L3MBTL4: variants seen among roughly 807,000 people sequenced by gnomAD.
The protein encoded by L3MBTL4 is L3MBTL histone methyl-lysine binding protein 4, also known as lethal(3)malignant brain tumor-like protein 4.
A neutral mutation model predicts 84.5 loss-of-function variants in L3MBTL4; 70 were observed. The observed-to-expected ratio is 0.83, with a 90% CI of 0.68 to 1.01. The LOEUF is 1.01. Among genes scored for constraint, L3MBTL4 ranks in the 50% least tolerant of loss-of-function variants. The pLI, the probability that L3MBTL4 is intolerant of heterozygous loss-of-function variation, is 0.00. For missense variants in L3MBTL4, 715 were observed against 754.8 expected, an observed-to-expected ratio of 0.95 and a Z score of 0.62; for synonymous variants, 274 against 259.8, an observed-to-expected ratio of 1.05 and a Z score of -0.52.
chr18:6,051,277 G>A (rs1024787312), intron 16 of L3MBTL4, among the ~76,000 whole-genome samples: 1 of 152,166 alleles, frequency 6.6e-6, no homozygotes, highest in African/African-American at 2.4e-5. Context: ...AGTGGCTCAC[G>A]CCTGTAATCC....
intron 13 of L3MBTL4, among the ~76,000 whole-genome samples, chr18:6,164,716 C>T (rs2043551831): frequency 1.3e-5 from 2 of 152,094 alleles, no homozygotes; most frequent in South Asian, 4.1e-4. Flanking sequence ...TAGATGAAAC[C>T]ACAAAGATGG....
At chr18:6,014,792 C>T (rs1205813336) in intron 16 of L3MBTL4, among the ~76,000 whole-genome samples, 5 of 152,092 alleles carry the variant, frequency 3.3e-5, no homozygotes. Context: ...GAGCTTCAAG[C>T]AGAAACATTA....
chr18:6,064,886 G>A (rs1281354453), intron 16 of L3MBTL4, among the ~76,000 whole-genome samples: 1 of 152,008 alleles, frequency 6.6e-6, no homozygotes, highest in Non-Finnish European at 1.5e-5. Context: ...CCAGTATTAT[G>A]TTGAATAGAA....
chr18:6,286,233 G>T (rs1045601797), intron 4 of L3MBTL4, among the ~76,000 whole-genome samples: 7 of 151,988 alleles, frequency 4.6e-5, no homozygotes, highest in Non-Finnish European at 7.4e-5. Context: ...GGAGGCCAAG[G>T]AGGGCAGATG....
intron 5 of L3MBTL4, among the ~76,000 whole-genome samples, chr18:6,252,677 C>T (rs1364573370): frequency 1.3e-5 from 2 of 152,162 alleles, no homozygotes; most frequent in Non-Finnish European, 2.9e-5. Flanking sequence ...GGACGCAGGC[C>T]ATGATAAGAC....
intron 13 of L3MBTL4, among the ~76,000 whole-genome samples, chr18:6,151,083 A>G (rs1220960001): frequency 1.3e-5 from 2 of 152,140 alleles, no homozygotes; most frequent in Non-Finnish European, 2.9e-5. Flanking sequence ...GGATCCCCTT[A>G]CTGGCATACA....
chr18:5,969,619 T>C (rs2052535914), intron 16 of L3MBTL4, 57 bp from the exon 17 acceptor site: 1 of 1,532,032 alleles, frequency 6.5e-7, no homozygotes, highest in Admixed American at 1.9e-5. Flanking sequence ...AGCACTGCTG[T>C]GTCAGCCCCG....
intron 4 of L3MBTL4, among the ~76,000 whole-genome samples, chr18:6,294,547 A>G (rs1399538619): frequency 6.6e-6 from 1 of 152,230 alleles, no homozygotes; most frequent in Non-Finnish European, 1.5e-5. Flanking sequence ...GAGAATGAGC[A>G]AAACCCACAG....
At chr18:6,219,421 C>T (rs1460635250) in intron 10 of L3MBTL4, among the ~76,000 whole-genome samples, 6 of 149,816 alleles carry the variant, frequency 4.0e-5, no homozygotes, top group Admixed American at 1.3e-4. Context: ...CACCTCATTC[C>T]ATGCCATTTT....
chr18:6,239,635 A>T, intron 9 of L3MBTL4, 83 bp downstream of exon 9: 1 of 1,399,838 alleles, frequency 7.1e-7, no homozygotes, highest in South Asian at 1.2e-5. Context: ...AAGAGCAAAA[A>T]CAGCAACAGT....
At chr18:6,231,785 T>A (rs1287069092) in intron 10 of L3MBTL4, among the ~76,000 whole-genome samples, 1 of 152,078 alleles carries the variant, frequency 6.6e-6, no homozygotes, top group Admixed American at 6.6e-5. Flanking sequence ...GGTTTATTAG[T>A]TCTACCAGAT....
At chr18:6,051,328 C>T (rs1206589734) in intron 16 of L3MBTL4, among the ~76,000 whole-genome samples, 2 of 152,164 alleles carry the variant, frequency 1.3e-5, no homozygotes, top group African/African-American at 4.8e-5. Context: ...CACCCGAGGT[C>T]AGGAGTTCGA....
chr18:6,320,009 A>T (rs972281342), intron 1 of L3MBTL4, among the ~76,000 whole-genome samples: 1 of 152,216 alleles, frequency 6.6e-6, no homozygotes, highest in Non-Finnish European at 1.5e-5. Flanking sequence ...AATAAATGTA[A>T]TATATCACAT....
At chr18:6,106,027 A>C (rs945208193) in intron 14 of L3MBTL4, among the ~76,000 whole-genome samples, 3 of 152,182 alleles carry the variant, frequency 2.0e-5, no homozygotes, top group African/African-American at 4.8e-5. Context: ...ATATTAGCTC[A>C]TGCAATTCTC....
At chr18:6,281,482 C>A (rs1484888851) in intron 4 of L3MBTL4, among the ~76,000 whole-genome samples, 3 of 152,138 alleles carry the variant, frequency 2.0e-5, no homozygotes, top group Non-Finnish European at 4.4e-5. Flanking sequence ...AATCAGGTAA[C>A]CATTTTAAAC....
chr18:6,189,621 T>TA (rs1208583121), intron 12 of L3MBTL4, among the ~76,000 whole-genome samples: 1 of 152,128 alleles, frequency 6.6e-6, no homozygotes, highest in Admixed American at 6.5e-5. Flanking sequence ...TTAATTACTA[T>TA]AAATGTAAAA....
At chr18:6,332,711 T>G (rs1283616397) in intron 1 of L3MBTL4, among the ~76,000 whole-genome samples, 1 of 152,240 alleles carries the variant, frequency 6.6e-6, no homozygotes, top group African/African-American at 2.4e-5. Flanking sequence ...AACCAAGTGT[T>G]GGGAGTGACT....
intron 14 of L3MBTL4, among the ~76,000 whole-genome samples, chr18:6,124,374 GA>G (rs1325094709): frequency 6.7e-6 from 1 of 149,750 alleles, no homozygotes; most frequent in Admixed American, 6.6e-5. Flanking sequence ...TAAATTTAAT[GA>G]AAAAAACTAT....
At chr18:6,098,867 G>A (rs1262417630) in intron 14 of L3MBTL4, among the ~76,000 whole-genome samples, 1 of 152,222 alleles carries the variant, frequency 6.6e-6, no homozygotes, top group East Asian at 1.9e-4. Context: ...TGGGCCGGGG[G>A]CATCTCCATG....
Sources: allele counts gnomAD v4.1 joint callset (sites outside exome capture counted in the v4.1 genomes callset), GRCh38; gene constraint gnomAD v4.1.1; transcripts MANE v1.5; gene names NCBI Gene and HGNC (gene_info 2026-07-23, HGNC 2026-07-21).